Variants in REDIC1 observed in about 807,000 individuals in gnomAD.
REDIC1 encodes the protein HEI10 Interacting Protein 1.
At chr12:39,716,842 A>G in the REDIC1 span, 1 of 1,577,774 alleles carries the variant, frequency 6.3e-7, no homozygotes, top group Non-Finnish European at 8.6e-7. Context: ...AGATTTGGTA[A>G]GTGATGCTTG....
chr12:39,783,168 G>A, the REDIC1 span, among the ~76,000 whole-genome samples: 4 of 152,086 alleles, frequency 2.6e-5, no homozygotes, highest in South Asian at 4.1e-4. Context: ...ATGGTTTCCA[G>A]CTTCATCCAT....
chr12:39,636,352 T>G, the REDIC1 span, among the ~76,000 whole-genome samples: 1 of 152,220 alleles, frequency 6.6e-6, no homozygotes, highest in Non-Finnish European at 1.5e-5. Flanking sequence ...ATGTGAAAAC[T>G]TTTTCTTTTG....
chr12:39,850,541 C>T, the REDIC1 span, among the ~76,000 whole-genome samples: 1 of 152,100 alleles, frequency 6.6e-6, no homozygotes. Context: ...AACATACACA[C>T]TTAAGTTATA....
At chr12:39,749,134 G>T in the REDIC1 span, among the ~76,000 whole-genome samples, 1 of 152,074 alleles carries the variant, frequency 6.6e-6, no homozygotes, top group Non-Finnish European at 1.5e-5. Context: ...TCCAGGAACT[G>T]GTTTTTTGAA....
chr12:39,854,417 A>G, the REDIC1 span, among the ~76,000 whole-genome samples: 1 of 152,198 alleles, frequency 6.6e-6, no homozygotes, highest in African/African-American at 2.4e-5. Flanking sequence ...TGCTAGGTAT[A>G]TTGGCTGGGG....
At chr12:39,777,267 T>G in the REDIC1 span, among the ~76,000 whole-genome samples, 1 of 152,138 alleles carries the variant, frequency 6.6e-6, no homozygotes, top group Non-Finnish European at 1.5e-5. Flanking sequence ...AGGGAAATAG[T>G]CAATTGAAAT....
At chr12:39,703,734 A>T in the REDIC1 span, among the ~76,000 whole-genome samples, 1 of 152,214 alleles carries the variant, frequency 6.6e-6, no homozygotes, top group Admixed American at 6.5e-5. Flanking sequence ...AAAGAGAGAT[A>T]TAGATTAGTG....
the REDIC1 span, among the ~76,000 whole-genome samples, chr12:39,778,685 G>A: frequency 9.9e-5 from 15 of 152,006 alleles, no homozygotes; most frequent in Non-Finnish European, 5.9e-5. Context: ...TTGTCTTTTC[G>A]TCATTCATTT....
chr12:39,853,127 A>G, the REDIC1 span, among the ~76,000 whole-genome samples: 7 of 152,190 alleles, frequency 4.6e-5, no homozygotes, highest in African/African-American at 1.7e-4. Flanking sequence ...GACAACTCAT[A>G]TTCAAGATCC....
chr12:39,645,415 G>A, the REDIC1 span, among the ~76,000 whole-genome samples: 1 of 151,966 alleles, frequency 6.6e-6, no homozygotes, highest in Non-Finnish European at 1.5e-5. Flanking sequence ...ATGGTGCAGT[G>A]GGCCTCAGAG....
At chr12:39,722,901 T>G in the REDIC1 span, among the ~76,000 whole-genome samples, 5 of 152,138 alleles carry the variant, frequency 3.3e-5, no homozygotes, top group Non-Finnish European at 5.9e-5. Context: ...CCTAGGAAGC[T>G]TGGCCCAATT....
the REDIC1 span, among the ~76,000 whole-genome samples, chr12:39,715,692 G>T: frequency 6.6e-6 from 1 of 151,846 alleles, no homozygotes; most frequent in East Asian, 1.9e-4. Flanking sequence ...TAAGGCCATG[G>T]TCACCAAAAC....
At chr12:39,902,275 G>T in the REDIC1 span, among the ~76,000 whole-genome samples, 22 of 151,302 alleles carry the variant, frequency 1.5e-4, no homozygotes, top group African/African-American at 5.1e-4. Flanking sequence ...CACCAGCATG[G>T]CACATGTATA....
At chr12:39,896,335 T>A in the REDIC1 span, among the ~76,000 whole-genome samples, 2 of 142,600 alleles carry the variant, frequency 1.4e-5, no homozygotes, top group African/African-American at 5.2e-5. Context: ...TGTGTATATA[T>A]GTATACATAT....
At chr12:39,842,841 A>G in the REDIC1 span, among the ~76,000 whole-genome samples, 1 of 151,938 alleles carries the variant, frequency 6.6e-6, no homozygotes, top group Non-Finnish European at 1.5e-5. Flanking sequence ...GCTATTCTGG[A>G]CATTTTATAT....
chr12:39,846,640 TG>T, the REDIC1 span, among the ~76,000 whole-genome samples: 1 of 151,990 alleles, frequency 6.6e-6, no homozygotes, highest in African/African-American at 2.4e-5. Flanking sequence ...TTTGGAGAAA[TG>T]GGATTTTGCC....
At chr12:39,651,321 A>C in the REDIC1 span, among the ~76,000 whole-genome samples, 2 of 152,288 alleles carry the variant, frequency 1.3e-5, no homozygotes, top group South Asian at 4.1e-4. Flanking sequence ...GGAAAGCAGA[A>C]ACTGCAGAAA....
the REDIC1 span, among the ~76,000 whole-genome samples, chr12:39,719,163 T>C: frequency 6.6e-6 from 1 of 152,168 alleles, no homozygotes; most frequent in Non-Finnish European, 1.5e-5. Context: ...AAGAGATGAC[T>C]GTCCTTTAAT....
At chr12:39,764,241 G>A in the REDIC1 span, among the ~76,000 whole-genome samples, 5 of 152,044 alleles carry the variant, frequency 3.3e-5, no homozygotes, top group African/African-American at 1.2e-4. Context: ...ACAGCCCTAA[G>A]CACTGTGGAA....
Sources: allele counts gnomAD v4.1 joint callset (sites outside exome capture counted in the v4.1 genomes callset), GRCh38; gene constraint gnomAD v4.1.1; transcripts MANE v1.5; gene names NCBI Gene and HGNC (gene_info 2026-07-23, HGNC 2026-07-21).